Variants in EYS observed in about 807,000 individuals in gnomAD.
EYS encodes the protein protein eyes shut homolog.
EYS carries 250 observed loss-of-function variants against 282.1 expected under a neutral mutation model. That is an observed-to-expected ratio of 0.89 (90% CI 0.80 to 0.98). EYS has a LOEUF of 0.98. Among genes scored for constraint, EYS ranks in the 50% least tolerant of loss-of-function variants. EYS has a pLI of 0.00. For synonymous variants in EYS, 1,355 were observed against 1,282.9 expected (o/e 1.06, Z -1.20); for missense variants, 4,016 against 3,709.0 (o/e 1.08, Z -2.15).
intron 12 of EYS, among the ~76,000 whole-genome samples, chr6:65,197,499 C>A (rs948111260): frequency 6.6e-6 from 1 of 151,926 alleles, no homozygotes; most frequent in South Asian, 2.1e-4. Context: ...CAATATTATG[C>A]GAACTGGAGA....
chr6:63,997,513 C>T (rs1767888291), intron 34 of EYS, among the ~76,000 whole-genome samples: 1 of 152,182 alleles, frequency 6.6e-6, no homozygotes, highest in South Asian at 2.1e-4. Context: ...GTGACAGCTC[C>T]TGTAGCGGCA....
chr6:64,285,288 A>T (rs930903695), intron 30 of EYS, among the ~76,000 whole-genome samples: 1 of 152,104 alleles, frequency 6.6e-6, no homozygotes, highest in Non-Finnish European at 1.5e-5. Context: ...CCACTTAGAA[A>T]TTTCTTCCAC....
intron 34 of EYS, among the ~76,000 whole-genome samples, chr6:63,995,859 A>T (rs1333990921): frequency 1.3e-5 from 2 of 151,930 alleles, no homozygotes; most frequent in South Asian, 2.1e-4. Flanking sequence ...CAATCTGATA[A>T]GAGGAATAAA....
chr6:64,627,657 T>G (rs1030378984), intron 22 of EYS, among the ~76,000 whole-genome samples: 1 of 152,172 alleles, frequency 6.6e-6, no homozygotes, highest in Non-Finnish European at 1.5e-5. Flanking sequence ...TAAGTTCTGT[T>G]TTTCACTGCA....
intron 26 of EYS, among the ~76,000 whole-genome samples, chr6:64,488,293 G>A (rs1776635466): frequency 1.3e-5 from 2 of 150,894 alleles, no homozygotes; most frequent in African/African-American, 2.4e-5. Context: ...TAATTGCTTG[G>A]CTCAGCCAAA....
chr6:64,360,490 T>C (rs1378057934), intron 29 of EYS, among the ~76,000 whole-genome samples: 1 of 151,678 alleles, frequency 6.6e-6, no homozygotes, highest in African/African-American at 2.4e-5. Context: ...TACACTAGAC[T>C]TGGTGCTATT....
intron 26 of EYS, among the ~76,000 whole-genome samples, chr6:64,473,444 C>A (rs1202433220): frequency 6.6e-6 from 1 of 152,070 alleles, no homozygotes; most frequent in African/African-American, 2.4e-5. Context: ...GCAGTCAGTA[C>A]CAACTGACAC....
intron 16 of EYS, among the ~76,000 whole-genome samples, chr6:64,911,636 G>T (rs75084230): frequency 8.0e-4 from 122 of 152,184 alleles, no homozygotes; most frequent in African/African-American, 2.9e-3. Flanking sequence ...GTGAGTATTA[G>T]AAAATAAATT....
At chr6:63,856,015 G>GTTTTTTT (rs35464160) in intron 36 of EYS, among the ~76,000 whole-genome samples, 1 of 138,322 alleles carries the variant, frequency 7.2e-6, no homozygotes, top group South Asian at 2.3e-4. Flanking sequence ...TTTCAGTGAA[G>GTTTTTTT]TTTTTTTTTT....
At chr6:64,070,457 TAGAC>T (rs1771533128) in intron 32 of EYS, among the ~76,000 whole-genome samples, 1 of 152,238 alleles carries the variant, frequency 6.6e-6, no homozygotes, top group East Asian at 1.9e-4. Flanking sequence ...TAATTTTTCT[TAGAC>T]AGCTTGAGTT....
intron 30 of EYS, among the ~76,000 whole-genome samples, chr6:64,280,176 A>G (rs2150361233): frequency 6.6e-6 from 1 of 152,276 alleles, no homozygotes; most frequent in African/African-American, 2.4e-5. Flanking sequence ...AATATCAAGT[A>G]AATAAATTAG....
intron 7 of EYS, among the ~76,000 whole-genome samples, chr6:65,396,526 A>C (rs1284216486): frequency 6.6e-6 from 1 of 151,430 alleles, no homozygotes; most frequent in Non-Finnish European, 1.5e-5. Flanking sequence ...ACACCCTTAA[A>C]TCACTCTTTC....
intron 35 of EYS, among the ~76,000 whole-genome samples, chr6:63,874,586 C>T (rs1772913076): frequency 6.6e-6 from 1 of 151,996 alleles, no homozygotes; most frequent in Admixed American, 6.5e-5. Context: ...TTACCTTGGG[C>T]AGTATGGCCA....
At chr6:64,811,418 C>T (rs1233186577) in intron 22 of EYS, among the ~76,000 whole-genome samples, 2 of 111,976 alleles carry the variant, frequency 1.8e-5, no homozygotes, top group Admixed American at 1.2e-4. Flanking sequence ...TGGCTTCATG[C>T]TGTAAAAAAA....
At chr6:65,283,690 T>C (rs1280951381) in intron 12 of EYS, among the ~76,000 whole-genome samples, 2 of 151,992 alleles carry the variant, frequency 1.3e-5, no homozygotes, top group African/African-American at 4.8e-5. Flanking sequence ...GGTGGTCTCA[T>C]TTCATAACCT....
At chr6:64,896,752 G>A (rs1255258173) in intron 18 of EYS, among the ~76,000 whole-genome samples, 2 of 152,070 alleles carry the variant, frequency 1.3e-5, no homozygotes, top group Non-Finnish European at 2.9e-5. Context: ...TGGGATGCTG[G>A]AGTTTAGTTG....
intron 30 of EYS, among the ~76,000 whole-genome samples, chr6:64,269,045 T>G (rs1767856477): frequency 6.6e-6 from 1 of 152,174 alleles, no homozygotes; most frequent in African/African-American, 2.4e-5. Flanking sequence ...ATGTGTGATG[T>G]TTCTATTAGA....
At chr6:64,626,274 GTATATAT>G in intron 22 of EYS, 29 bp from the exon 23 acceptor site, 1 of 1,520,342 alleles carries the variant, frequency 6.6e-7, no homozygotes, top group Non-Finnish European at 8.8e-7. Flanking sequence ...AACGATATTT[GTATATAT>G]TATACACATG....
chr6:64,292,589 C>T (rs373482390), intron 30 of EYS, among the ~76,000 whole-genome samples: 46 of 152,004 alleles, frequency 3.0e-4, no homozygotes, highest in African/African-American at 9.6e-4. Context: ...TTTCTAAGAT[C>T]GAGGATAGCT....
Sources: allele counts gnomAD v4.1 joint callset (sites outside exome capture counted in the v4.1 genomes callset), GRCh38; gene constraint gnomAD v4.1.1; transcripts MANE v1.5; gene names NCBI Gene and HGNC (gene_info 2026-07-23, HGNC 2026-07-21).